Variants in PDE4B observed in about 807,000 individuals in gnomAD.
PDE4B encodes 3',5'-cyclic-AMP phosphodiesterase 4B.
A neutral mutation model predicts 82.2 loss-of-function variants in PDE4B; 20 were observed. The ratio of observed to expected loss-of-function variants is 0.24; its 90% CI spans 0.17 to 0.35. The LOEUF (loss-of-function observed/expected upper bound fraction) is 0.35, where lower values mean the gene tolerates loss of function less well. PDE4B is among the 10% of genes least tolerant of loss of function. The pLI is 1.00. For synonymous variants in PDE4B, 320 were observed against 318.9 expected (o/e 1.00, Z -0.04); for missense variants, 655 against 907.2 (o/e 0.72, Z 3.57).
intron 3 of PDE4B, among the ~76,000 whole-genome samples, chr1:66,139,206 C>T (rs1443462201): frequency 6.6e-6 from 1 of 152,208 alleles, no homozygotes; most frequent in African/African-American, 2.4e-5. Context: ...AAGCCAAAAT[C>T]AATGTGTCAG....
At chr1:66,055,305 G>A (rs114847635) in intron 3 of PDE4B, among the ~76,000 whole-genome samples, 1,769 of 152,294 alleles carry the variant, frequency 0.012, 38 homozygotes, top group African/African-American at 0.041. Flanking sequence ...TATCAGGTGA[G>A]TTACTTTTGA....
chr1:66,005,873 G>A (rs867653656), intron 3 of PDE4B, among the ~76,000 whole-genome samples: 3 of 152,066 alleles, frequency 2.0e-5, no homozygotes, highest in African/African-American at 4.8e-5. Context: ...TAATGCCCAC[G>A]GAGCACATAT....
At chr1:66,025,482 C>T (rs1255507509) in intron 3 of PDE4B, among the ~76,000 whole-genome samples, 1 of 151,946 alleles carries the variant, frequency 6.6e-6, no homozygotes, top group African/African-American at 2.4e-5. Context: ...TTTCCAGTAA[C>T]ACAATGATGC....
chr1:65,965,949 T>C (rs933973634), intron 3 of PDE4B, among the ~76,000 whole-genome samples: 4 of 152,176 alleles, frequency 2.6e-5, no homozygotes, highest in African/African-American at 9.6e-5. Flanking sequence ...TCATACTGAA[T>C]GGGTAAAAGC....
chr1:66,174,139 A>C (rs763493821), intron 3 of PDE4B, among the ~76,000 whole-genome samples: 14 of 152,190 alleles, frequency 9.2e-5, no homozygotes, highest in Non-Finnish European at 1.8e-4. Flanking sequence ...AACTACAGCT[A>C]ATGGTGAATT....
chr1:66,208,035 A>G (rs1033954599), intron 3 of PDE4B, among the ~76,000 whole-genome samples: 2 of 152,172 alleles, frequency 1.3e-5, no homozygotes, highest in Admixed American at 1.3e-4. Flanking sequence ...ATCCTAAGGG[A>G]AACCTCTTAT....
chr1:66,249,275 G>A (rs1361255587), intron 4 of PDE4B, among the ~76,000 whole-genome samples: 2 of 152,190 alleles, frequency 1.3e-5, no homozygotes, highest in East Asian at 1.9e-4. Context: ...ATGGAAGACC[G>A]TAGGTCATGT....
intron 3 of PDE4B, among the ~76,000 whole-genome samples, chr1:66,243,734 A>G (rs1275268306): frequency 1.3e-5 from 2 of 152,222 alleles, no homozygotes; most frequent in Non-Finnish European, 2.9e-5. Context: ...TGAGAACACT[A>G]GATACAATGC....
At chr1:65,828,524 G>A (rs143129261) in intron 1 of PDE4B, among the ~76,000 whole-genome samples, 74 of 152,104 alleles carry the variant, frequency 4.9e-4, no homozygotes, top group Non-Finnish European at 8.2e-4. Context: ...GGGATTACAG[G>A]GGTGAGCCAC....
At chr1:66,200,427 T>C (rs1173812009) in intron 3 of PDE4B, among the ~76,000 whole-genome samples, 1 of 152,182 alleles carries the variant, frequency 6.6e-6, no homozygotes, top group Non-Finnish European at 1.5e-5. Context: ...ATCTATAAAT[T>C]ACCTTGGGCA....
In PDE4B at chr1:66,077,771, C is replaced by T. The variant is rs527823825; in HGVS notation, c.281+158936C>T. ...AGTCTCTAGAAATAAATAGACTTCC[C>T]GATTCAAATCTTGCCTTTACCAATT... is the stretch of plus-strand genomic sequence containing the variant. On this transcript the variant is annotated intron_variant, in intron 3 of 16. Transcript: ENST00000341517. Among the ~76,000 whole-genome samples, 8 of 152,180 alleles carry T rather than the reference C, an allele frequency of 5.3e-5. No individual in the cohort carries two copies. The South Asian group carries it at 6.2e-4, about 12-fold the overall frequency.
rs996426092 is a variant in PDE4B at position 66,374,075 on chromosome 1, A to T, written c.*1397A>T. 7.9e-5 allele frequency: 12 copies of T among 152,644 alleles called. No homozygotes were observed. The highest frequency in any genetic ancestry group is 2.9e-4 in the African/African-American group (12 of 41,454). 9.5% of individuals were successfully genotyped at this position (152,644 alleles called of 1,614,324 possible). A position where few individuals can be genotyped will look rare whatever the true frequency, so the allele number is the denominator to read the frequency against. ...TGGGCATGAGTTGGGTTATAACTGGATCCTACTATCATTGTGGCTTTGGTT... is the reference window on the plus strand; with the variant it reads ...TGGGCATGAGTTGGGTTATAACTGGTTCCTACTATCATTGTGGCTTTGGTT... On this transcript the variant is annotated 3_prime_UTR_variant, in exon 17 of 17. Transcript: ENST00000341517.
At chr1:65,921,211 G>T (rs3009870) in intron 3 of PDE4B, among the ~76,000 whole-genome samples, 1 of 151,550 alleles carries the variant, frequency 6.6e-6, no homozygotes, top group South Asian at 2.1e-4. Flanking sequence ...CTCGTGATCC[G>T]CCCGCCTCGG....
At chr1:66,117,044 T>C (rs1176993453) in intron 3 of PDE4B, among the ~76,000 whole-genome samples, 1 of 152,184 alleles carries the variant, frequency 6.6e-6, no homozygotes, top group African/African-American at 2.4e-5. Context: ...TGTGTATTGA[T>C]TGCTTTCTCA....
At chr1:66,317,132 A>G (rs149193793) in intron 7 of PDE4B, among the ~76,000 whole-genome samples, 131 of 152,314 alleles carry the variant, frequency 8.6e-4, no homozygotes, top group African/African-American at 3.0e-3. Context: ...TTGTCTACCC[A>G]CAGAGGCTGC....
intron 3 of PDE4B, among the ~76,000 whole-genome samples, chr1:66,142,380 T>C (rs1456921019): frequency 6.6e-6 from 1 of 152,190 alleles, no homozygotes. Flanking sequence ...CTTGGCTCAC[T>C]TCAAAATTAG....
intron 3 of PDE4B, among the ~76,000 whole-genome samples, chr1:66,122,188 T>A (rs770342285): frequency 3.3e-5 from 5 of 152,144 alleles, no homozygotes; most frequent in Non-Finnish European, 7.3e-5. Flanking sequence ...ATCTGCAAAA[T>A]GGGATCATGA....
At chr1:65,945,629 A>G (rs576578116) in intron 3 of PDE4B, among the ~76,000 whole-genome samples, 10 of 152,140 alleles carry the variant, frequency 6.6e-5, no homozygotes, top group Admixed American at 4.6e-4. Context: ...TCAGCTTTGA[A>G]GAGATGGAGC....
intron 3 of PDE4B, among the ~76,000 whole-genome samples, chr1:66,202,864 T>C (rs1649132935): frequency 6.6e-6 from 1 of 151,850 alleles, no homozygotes; most frequent in South Asian, 2.1e-4. Flanking sequence ...GTTAATATTG[T>C]TATGTGTGAA....
Sources: gnomAD v4.1 joint callset for allele counts (sites outside exome capture counted in the v4.1 genomes callset) on GRCh38, gnomAD v4.1.1 for gene constraint, MANE v1.5 for transcripts, NCBI Gene and HGNC (gene_info 2026-07-23, HGNC 2026-07-21) for gene names.